The following SRBD1 variants were observed in gnomAD, a reference collection of about 807,000 sequenced individuals.
SRBD1 encodes the protein S1 RNA-binding domain-containing protein 1.
A neutral mutation model predicts 115.3 loss-of-function variants in SRBD1; 88 were observed. The ratio of observed to expected loss-of-function variants is 0.76; its 90% confidence interval spans 0.64 to 0.91. SRBD1 has a LOEUF of 0.91. Among genes scored for constraint, SRBD1 ranks in the 40% least tolerant of loss-of-function variants. The pLI is 0.00. For synonymous variants in SRBD1, 509 were observed against 407.7 expected, an observed-to-expected ratio of 1.25 and a Z score of -2.99; for missense variants, 1,385 against 1,177.4, an observed-to-expected ratio of 1.18 and a Z score of -2.58.
At chr2:45,474,646 T>C (rs1669751806) in intron 16 of SRBD1, among the ~76,000 whole-genome samples, 1 of 152,164 alleles carries the variant, frequency 6.6e-6, no homozygotes, top group Non-Finnish European at 1.5e-5. Flanking sequence ...CTAGTTTGGC[T>C]CTACCGGGAA....
chr2:45,571,020 T>C (rs1372930181), intron 9 of SRBD1, among the ~76,000 whole-genome samples: 1 of 151,938 alleles, frequency 6.6e-6, no homozygotes, highest in Non-Finnish European at 1.5e-5. Context: ...AAATGAGATA[T>C]TTGAGGGAAA....
intron 14 of SRBD1, among the ~76,000 whole-genome samples, chr2:45,512,887 G>GA (rs35902457): frequency 2.6e-5 from 4 of 151,474 alleles, no homozygotes; most frequent in African/African-American, 7.3e-5. Context: ...TTCTGTTAGA[G>GA]AAAAAAAAGG....
intron 9 of SRBD1, among the ~76,000 whole-genome samples, chr2:45,568,623 C>G (rs1272843120): frequency 6.6e-6 from 1 of 152,170 alleles, no homozygotes; most frequent in Non-Finnish European, 1.5e-5. Flanking sequence ...AATTCAGTCA[C>G]TAACTCAGAA....
intron 19 of SRBD1, among the ~76,000 whole-genome samples, chr2:45,409,515 C>CAAAAAAAAAAAAAAAAAAAAAAAAAA (rs59849294): frequency 1.7e-5 from 2 of 117,914 alleles, no homozygotes; most frequent in Non-Finnish European, 3.5e-5. Context: ...TTGCAATAGG[C>CAAAAAAAAAAAAAAAAAAAAAAAAAA]AAAAAAAAAA....
intron 14 of SRBD1, among the ~76,000 whole-genome samples, chr2:45,490,305 G>C (rs1418116910): frequency 6.6e-6 from 1 of 152,124 alleles, no homozygotes; most frequent in Admixed American, 6.5e-5. Context: ...GGATTAATCA[G>C]AACTGCATGT....
At chr2:45,512,426 T>A (rs1020655815) in intron 14 of SRBD1, among the ~76,000 whole-genome samples, 1 of 152,164 alleles carries the variant, frequency 6.6e-6, no homozygotes, top group South Asian at 2.1e-4. Context: ...AAAAACTGAA[T>A]CTATGAAGGA....
chr2:45,538,174 C>T (rs1188608862), intron 14 of SRBD1, among the ~76,000 whole-genome samples: 11 of 152,202 alleles, frequency 7.2e-5, no homozygotes, highest in Non-Finnish European at 1.5e-4. Context: ...ATCACAGCTT[C>T]CTTGCAAGGG....
chr2:45,420,170 C>T (rs1427291188), intron 16 of SRBD1, among the ~76,000 whole-genome samples: 1 of 152,160 alleles, frequency 6.6e-6, no homozygotes, highest in Non-Finnish European at 1.5e-5. Context: ...CAAACTTAAG[C>T]TTGCATTAAA....
intron 14 of SRBD1, among the ~76,000 whole-genome samples, chr2:45,516,225 CA>C (rs1192560522): frequency 6.6e-6 from 1 of 152,036 alleles, no homozygotes; most frequent in Non-Finnish European, 1.5e-5. Flanking sequence ...ATAGACATTC[CA>C]AACATGTAAA....
intron 16 of SRBD1, among the ~76,000 whole-genome samples, chr2:45,464,940 T>A (rs1195398916): frequency 6.6e-6 from 1 of 151,976 alleles, no homozygotes; most frequent in African/African-American, 2.4e-5. Flanking sequence ...TTGTCATAAC[T>A]ATTCTCAATT....
chr2:45,603,685 A>G (rs1674172097), intron 2 of SRBD1, among the ~76,000 whole-genome samples: 1 of 151,866 alleles, frequency 6.6e-6, no homozygotes, highest in Non-Finnish European at 1.5e-5. Flanking sequence ...ACGTGCCACC[A>G]TGCCTGGCTA....
At chr2:45,524,695 A>C (rs916310553) in intron 14 of SRBD1, among the ~76,000 whole-genome samples, 1 of 152,180 alleles carries the variant, frequency 6.6e-6, no homozygotes, top group East Asian at 1.9e-4. Flanking sequence ...TAAAGACTTA[A>C]GATTGTAAAA....
intron 12 of SRBD1, among the ~76,000 whole-genome samples, chr2:45,549,495 A>C (rs999165498): frequency 1.3e-5 from 2 of 152,024 alleles, no homozygotes; most frequent in Admixed American, 6.6e-5. Context: ...AGACTAATAT[A>C]ATGTCCTTAC....
intron 5 of SRBD1, among the ~76,000 whole-genome samples, chr2:45,583,921 A>G (rs2104192338): frequency 6.6e-6 from 1 of 152,222 alleles, no homozygotes; most frequent in East Asian, 1.9e-4. Context: ...TTTTTTAAAG[A>G]AAAAGAAAAT....
intron 16 of SRBD1, among the ~76,000 whole-genome samples, chr2:45,469,042 C>T (rs1669573893): frequency 6.6e-6 from 1 of 152,060 alleles, no homozygotes. Context: ...ATAGCCTTTG[C>T]CTGTTTTTCT....
intron 15 of SRBD1, among the ~76,000 whole-genome samples, chr2:45,485,146 A>C (rs1419509441): frequency 6.6e-6 from 1 of 152,102 alleles, no homozygotes; most frequent in African/African-American, 2.4e-5. Flanking sequence ...GTTGCTTTTT[A>C]AACAGACTTT....
intron 16 of SRBD1, among the ~76,000 whole-genome samples, chr2:45,454,035 T>C (rs145247335): frequency 1.2e-3 from 179 of 152,064 alleles, no homozygotes; most frequent in African/African-American, 4.1e-3. Context: ...ACAGGTCAGA[T>C]TGAAGACAGC....
chr2:45,451,541 T>C (rs945439154), intron 16 of SRBD1, among the ~76,000 whole-genome samples: 49 of 152,026 alleles, frequency 3.2e-4, no homozygotes, highest in Admixed American at 4.6e-4. Flanking sequence ...ACATCACTTT[T>C]CTTTGAGAAA....
intron 18 of SRBD1, among the ~76,000 whole-genome samples, chr2:45,413,543 T>C (rs1048328623): frequency 1.3e-5 from 2 of 152,102 alleles, no homozygotes; most frequent in South Asian, 2.1e-4. Context: ...AAGAGGAAAA[T>C]GTAGGGAAAC....
Sources: gnomAD v4.1 joint callset for allele counts (sites outside exome capture counted in the v4.1 genomes callset) on GRCh38, gnomAD v4.1.1 for gene constraint, MANE v1.5 for transcripts, NCBI Gene and HGNC (gene_info 2026-07-23, HGNC 2026-07-21) for gene names.